The following UNC13C variants were observed in gnomAD, a reference collection of about 807,000 sequenced individuals.
The protein encoded by UNC13C is protein unc-13 homolog C.
In UNC13C, 174 loss-of-function variants were observed where a neutral mutation model predicts 245.4. The ratio of observed to expected loss-of-function variants is 0.71; its 90% CI spans 0.63 to 0.80. The LOEUF (loss-of-function observed/expected upper bound fraction) is 0.80, where lower values mean the gene tolerates loss of function less well. Ranked by LOEUF, UNC13C falls within the 30% of genes least tolerant of loss-of-function variation. The pLI, the probability that UNC13C is intolerant of heterozygous loss-of-function variation, is 0.00. For missense variants in UNC13C, 2,829 were observed against 2,602.9 expected (o/e 1.09, Z -1.89); for synonymous variants, 992 against 895.1 (o/e 1.11, Z -1.93).
chr15:54,624,774 C>A (rs535462271), intron 32 of UNC13C, among the ~76,000 whole-genome samples: 1 of 152,110 alleles, frequency 6.6e-6, no homozygotes, highest in East Asian at 1.9e-4. Context: ...TTGCCATAGG[C>A]TGGAGGTAGA....
the UNC13C span, among the ~76,000 whole-genome samples, chr15:53,852,690 C>A: frequency 6.6e-6 from 1 of 152,082 alleles, no homozygotes; most frequent in Non-Finnish European, 1.5e-5. Context: ...ACAAAGTTTA[C>A]CATATCGTGT....
chr15:54,172,717 T>G (rs1185221358), intron 4 of UNC13C, among the ~76,000 whole-genome samples: 4 of 18,580 alleles, frequency 2.2e-4, no homozygotes, highest in Non-Finnish European at 4.2e-4. Context: ...TATATATATA[T>G]ATATATATAT....
chr15:53,953,013 A>G, the UNC13C span, among the ~76,000 whole-genome samples: 5 of 152,284 alleles, frequency 3.3e-5, no homozygotes, highest in East Asian at 1.9e-4. Flanking sequence ...TGCCACTTCT[A>G]TGTTCGAAAC....
At position 54,294,060 on chromosome 15, in the gene UNC13C, C is replaced by T; in HGVS notation, c.3984C>T (p.Asn1328=). ...GTGGAGAAATGGATGTCTGGTACAA[C>T]TTAGGTGATTTTTTTTTTTATCTAC... ...TLSGEMDVWY[N]LEKRTDKSAV... is the part of the protein sequence containing the mutation. Residue 1328 remains asparagine, a synonymous_variant, in exon 11 of 33, where the codon AAC becomes AAT. Transcript: ENST00000260323. 6.6e-7 allele frequency: 1 copy of T among 1,525,004 alleles called. No individual in the cohort carries two copies. The highest frequency in any genetic ancestry group is 8.7e-7 in the Non-Finnish European group (1 of 1,142,926). The allele number at this position is 1,525,004 out of a possible 1,614,324, so 94.5% of individuals were successfully genotyped here. A position where few individuals can be genotyped will look rare whatever the true frequency, so the allele number is the denominator to read the frequency against.
chr15:54,194,861 T>A (rs984262762), intron 4 of UNC13C, among the ~76,000 whole-genome samples: 1 of 152,118 alleles, frequency 6.6e-6, no homozygotes, highest in African/African-American at 2.4e-5. Flanking sequence ...AAAGCAGCAT[T>A]AAACACTAAA....
intron 20 of UNC13C, among the ~76,000 whole-genome samples, chr15:54,496,004 A>G (rs1458330977): frequency 6.6e-6 from 1 of 152,056 alleles, no homozygotes; most frequent in East Asian, 1.9e-4. Flanking sequence ...GATCTATTAT[A>G]CAACATGGTG....
intron 4 of UNC13C, among the ~76,000 whole-genome samples, chr15:54,219,838 T>C (rs1342065241): frequency 6.6e-6 from 1 of 151,486 alleles, no homozygotes; most frequent in Non-Finnish European, 1.5e-5. Flanking sequence ...AAAAGACACA[T>C]GAAAAAATGC....
At chr15:54,009,541 C>T (rs968197807) in intron 1 of UNC13C, among the ~76,000 whole-genome samples, 14 of 140,960 alleles carry the variant, frequency 9.9e-5, no homozygotes, top group African/African-American at 3.9e-4. Context: ...TTTTCTTCTT[C>T]TTCTTCTTCT....
At chr15:54,498,530 G>A (rs1211661256) in intron 20 of UNC13C, among the ~76,000 whole-genome samples, 1 of 152,042 alleles carries the variant, frequency 6.6e-6, no homozygotes. Context: ...GCTAAAACAG[G>A]AAGTAGATGA....
At chr15:54,194,914 A>G (rs1252595938) in intron 4 of UNC13C, among the ~76,000 whole-genome samples, 1 of 152,208 alleles carries the variant, frequency 6.6e-6, no homozygotes, top group Admixed American at 6.6e-5. Flanking sequence ...TCCTCAGTGA[A>G]ACTCAAACAG....
Position 54,393,058 on chromosome 15 carries a change from A to C in UNC13C, c.4724A>C (p.Gln1575Pro), listed in dbSNP as rs776565395. ...TGAACTTGTGAGCAGAGTAAGAAAC[A>C]GGATATTCCTCGTGAAGATCAGGGA... Reference protein sequence around the residue: ...YSQLTDPSKKQDIPREDQGPT... With the variant: ...YSQLTDPSKKPDIPREDQGPT... Residue 1575 changes from glutamine (Q) to proline (P), a missense_variant, in exon 18 of 33, where the codon CAG becomes CCG. Transcript: ENST00000260323. 4 of 1,603,056 alleles carry C rather than the reference A, an allele frequency of 2.5e-6. No individual in the cohort carries two copies. In the South Asian group the frequency reaches 4.5e-5, roughly 18 times the overall value.
intron 26 of UNC13C, among the ~76,000 whole-genome samples, chr15:54,540,614 A>G (rs978742108): frequency 7.9e-5 from 12 of 152,068 alleles, no homozygotes; most frequent in Non-Finnish European, 1.5e-4. Flanking sequence ...ATCATGTTAT[A>G]TTGCGAATGT....
intron 19 of UNC13C, among the ~76,000 whole-genome samples, chr15:54,457,687 G>T (rs1301228960): frequency 2.0e-5 from 3 of 151,880 alleles, no homozygotes; most frequent in Non-Finnish European, 2.9e-5. Flanking sequence ...TGCCTTGAAT[G>T]ATCTTTTGTA....
chr15:54,272,814 G>A (rs1416191072), intron 10 of UNC13C, among the ~76,000 whole-genome samples: 1 of 152,110 alleles, frequency 6.6e-6, no homozygotes, highest in Non-Finnish European at 1.5e-5. Flanking sequence ...ATAATAAATA[G>A]CGGAAGGAGT....
intron 4 of UNC13C, among the ~76,000 whole-genome samples, chr15:54,145,576 C>G (rs926703723): frequency 6.6e-6 from 1 of 152,186 alleles, no homozygotes; most frequent in African/African-American, 2.4e-5. Flanking sequence ...AATAGACTCT[C>G]TACTACAACA....
chr15:53,896,510 C>T, the UNC13C span, among the ~76,000 whole-genome samples: 6 of 152,002 alleles, frequency 3.9e-5, no homozygotes, highest in Non-Finnish European at 8.8e-5. Context: ...AGTATTATTA[C>T]AATATTCAAT....
intron 22 of UNC13C, among the ~76,000 whole-genome samples, chr15:54,503,699 C>T (rs999211326): frequency 1.3e-5 from 2 of 152,182 alleles, no homozygotes; most frequent in Admixed American, 6.6e-5. Context: ...TTTTATATAA[C>T]AAAGTAGATA....
upstream of UNC13C, among the ~76,000 whole-genome samples, chr15:53,974,080 A>C (rs1038190620): frequency 6.6e-6 from 1 of 152,222 alleles, no homozygotes; most frequent in Non-Finnish European, 1.5e-5. Flanking sequence ...TCATCATTAC[A>C]ATATGGGAAC....
chr15:54,386,561 A>G (rs180971043), intron 17 of UNC13C, among the ~76,000 whole-genome samples: 1 of 152,180 alleles, frequency 6.6e-6, no homozygotes, highest in African/African-American at 2.4e-5. Context: ...ATTAGGGCAA[A>G]ATATAAGGAA....
Sources: allele counts gnomAD v4.1 joint callset (sites outside exome capture counted in the v4.1 genomes callset), GRCh38; gene constraint gnomAD v4.1.1; transcripts MANE v1.5; gene names NCBI Gene and HGNC (gene_info 2026-07-23, HGNC 2026-07-21).